ECE2: variants seen among roughly 807,000 people sequenced by gnomAD.
ECE2 encodes the protein endothelin converting enzyme 2, also known as endothelin-converting enzyme 2.
Under a neutral mutation model 100.6 loss-of-function variants are expected in ECE2, and 81 were observed. That is an observed-to-expected ratio of 0.81 (90% CI 0.67 to 0.97). The LOEUF (loss-of-function observed/expected upper bound fraction) is 0.97, where lower values mean the gene tolerates loss of function less well. Among genes scored for constraint, ECE2 ranks in the 50% least tolerant of loss-of-function variants. The probability of loss-of-function intolerance (pLI) is 0.00; values close to 1 mark genes in which losing one functional copy is unlikely to be tolerated. For synonymous variants in ECE2, 391 were observed against 391.5 expected, an observed-to-expected ratio of 1.00 and a Z score of 0.02; for missense variants, 911 against 988.1, an observed-to-expected ratio of 0.92 and a Z score of 1.05.
At chr3:184,279,284 TG>T (rs768291279) in intron 7 of ECE2, among the ~76,000 whole-genome samples, 132 of 118,762 alleles carry the variant, frequency 1.1e-3, no homozygotes, top group Non-Finnish European at 1.7e-3. Flanking sequence ...CACTCCAGCC[TG>T]GGTGACGGAG....
intron 7 of ECE2, among the ~76,000 whole-genome samples, chr3:184,282,933 C>T (rs543754817): frequency 1.1e-4 from 17 of 152,256 alleles, no homozygotes; most frequent in African/African-American, 3.6e-4. Flanking sequence ...TGGAGACCAG[C>T]GGGTAGTGGA....
In ECE2 at chr3:184,292,695, AC is replaced by A; in HGVS notation, c.*462del. 1 of 164,672 alleles carries A rather than the reference AC, an allele frequency of 6.1e-6. No individual in the cohort carries two copies. The highest frequency in any genetic ancestry group is 1.3e-5 in the Non-Finnish European group (1 of 75,656). The allele number at this position is 164,672 out of a possible 1,614,324, so 10.2% of individuals were successfully genotyped here. On this transcript the variant is annotated 3_prime_UTR_variant, in exon 19 of 19. Coordinates refer to ENST00000404464, the MANE Select transcript of ECE2 (RefSeq NM_001100121.2). ...TCTGTCTGGCTCACCCTCACGGGCT[AC>A]CCCCACCTCACCCTGTGCTCCTTGT...
intron 7 of ECE2, among the ~76,000 whole-genome samples, chr3:184,281,919 C>T (rs954112254): frequency 1.3e-5 from 2 of 152,046 alleles, no homozygotes; most frequent in Non-Finnish European, 2.9e-5. Flanking sequence ...GCCAACATGG[C>T]GAAACACTGT....
Position 184,283,769 on chromosome 3 carries a change from AC to A in ECE2, c.817-13del, listed in dbSNP as rs752362414. The A allele has an allele frequency of 3.7e-6, 6 of 1,611,648 alleles. No homozygotes were observed. Among genetic ancestry groups the A allele is most frequent in the Non-Finnish European group, 5.1e-6 (6 of 1,178,824 alleles). On this transcript the variant is annotated splice_polypyrimidine_tract_variant and intron_variant, in intron 7 of 18. Transcript: ENST00000404464. ...GACTTGTTGCTGGGCTCTGAGGATC[AC>A]CCGGGCCTTGACAGGTGCTCACTGC...
chr3:184,279,406 C>T (rs973982025), intron 7 of ECE2, among the ~76,000 whole-genome samples: 2 of 150,328 alleles, frequency 1.3e-5, no homozygotes, highest in Non-Finnish European at 3.0e-5. Flanking sequence ...CTGTAATCCC[C>T]GCACTTTGGG....
At chr3:184,287,782 C>T in intron 10 of ECE2, 55 bp from the exon 11 acceptor site, 2 of 1,530,462 alleles carry the variant, frequency 1.3e-6, no homozygotes, top group Non-Finnish European at 1.8e-6. Context: ...GAGAAAGGCC[C>T]TCTGACTGGA....
At chr3:184,279,512 C>T (rs1216539850) in intron 7 of ECE2, among the ~76,000 whole-genome samples, 1 of 151,496 alleles carries the variant, frequency 6.6e-6, no homozygotes, top group African/African-American at 2.4e-5. Context: ...AAAAATTAGC[C>T]AGGCATGGTG....
chr3:184,292,577 G>A lies in ECE2; in HGVS notation c.*339G>A, dbSNP rs572990314. 1.0e-4 allele frequency: 36 copies of A among 350,508 alleles called. No homozygotes were observed. The highest frequency in any genetic ancestry group is 8.1e-4 in the South Asian group (22 of 27,034). The allele number at this position is 350,508 out of a possible 1,614,324, so 21.7% of individuals were successfully genotyped here. ...CAGCCTGGCGGCCATGGGGCCTGCCGTGCCTGCCCCACTGTGACCCACAGG... is the reference window on the plus strand; with the variant it reads ...CAGCCTGGCGGCCATGGGGCCTGCCATGCCTGCCCCACTGTGACCCACAGG... On this transcript the variant is annotated 3_prime_UTR_variant, in exon 19 of 19. Transcript: ENST00000404464.
At chr3:184,285,200 G>A (rs1191472878) in intron 9 of ECE2, 95 bp downstream of exon 9, 7 of 1,484,846 alleles carry the variant, frequency 4.7e-6, no homozygotes, top group Non-Finnish European at 6.4e-6. Context: ...ACAACATTTG[G>A]TAATGCTATG....
chr3:184,278,430 G>A (rs573399159), intron 6 of ECE2, 62 bp from the exon 7 acceptor site: 7 of 1,597,354 alleles, frequency 4.4e-6, no homozygotes, highest in South Asian at 3.4e-5. Context: ...ACCCCCGCTC[G>A]GGAATTCAGG....
intron 6 of ECE2, 39 bp downstream of exon 6, chr3:184,278,352 A>G: frequency 6.2e-7 from 1 of 1,605,754 alleles, no homozygotes; most frequent in Non-Finnish European, 8.5e-7. Context: ...ACTTAGGGAC[A>G]CTTTGCTGAG....
rs1052451733 is a variant in ECE2, at chr3:184,291,995, G to A, written c.2122-67G>A. 2 of 1,534,964 alleles carry A rather than the reference G, an allele frequency of 1.3e-6. No homozygotes were observed. The highest frequency in any genetic ancestry group is 1.2e-5 in the South Asian group (1 of 80,974). On this transcript the variant is annotated intron_variant, in intron 18 of 18. Coordinates refer to ENST00000404464, the MANE Select transcript of ECE2 (RefSeq NM_001100121.2). This position sits in a 1 kb window ranked among gnomAD's most constrained non-coding sequence, Gnocchi z 4.1. ...GGTGGTTTGTGCCCCTGGGATGGCT[G>A]TAGCTGACTCTAAGGCCCGGCTCCA...
chr3:184,281,055 A>C (rs981020308), intron 7 of ECE2, among the ~76,000 whole-genome samples: 4 of 152,102 alleles, frequency 2.6e-5, no homozygotes, highest in African/African-American at 7.2e-5. Context: ...AGGAGGACAG[A>C]GAAAGGACAG....
chr3:184,291,604 G>C lies in ECE2; in HGVS notation c.2121+165G>C. On this transcript the variant is annotated intron_variant, in intron 18 of 18. Transcript: ENST00000404464. The surrounding 1 kb of genome is among the most constrained non-coding windows in gnomAD (Gnocchi z 4.1). ...GGCCCATGCCCAGAGCCTCCGGCCA[G>C]CCAGGGCCCACAAAGGCAGCCTGAA... 1 of 670,970 alleles carries C rather than the reference G, an allele frequency of 1.5e-6. No homozygotes were observed. Among genetic ancestry groups the C allele is most frequent in the Non-Finnish European group, 2.4e-6 (1 of 417,054 alleles). The allele number at this position is 670,970 out of a possible 1,614,324, so 41.6% of individuals were successfully genotyped here. A position where few individuals can be genotyped will look rare whatever the true frequency, so the allele number is the denominator to read the frequency against.
chr3:184,280,507 A>G (rs1720773346), intron 7 of ECE2, among the ~76,000 whole-genome samples: 1 of 152,142 alleles, frequency 6.6e-6, no homozygotes, highest in Non-Finnish European at 1.5e-5. Flanking sequence ...TGGAGTCCTG[A>G]AGAGAGAATA....
rs201115486 is a variant in ECE2 at position 184,291,256 on chromosome 3, C to T, written c.2025+26C>T. 233 of 1,601,300 alleles carry T rather than the reference C, an allele frequency of 1.5e-4. 1 individual carries two copies. In the Admixed American group the frequency reaches 2.2e-3, roughly 15 times the overall value. ...GTGAGTGGCCTGACCAGCCCTCCAG[C>T]GGCTGAGGCCTGCTGGCCTGGGGTG... is the stretch of plus-strand genomic sequence containing the variant. On this transcript the variant is annotated intron_variant, in intron 17 of 18. Transcript: ENST00000404464. This position sits in a 1 kb window ranked among gnomAD's most constrained non-coding sequence, Gnocchi z 4.1.
intron 4 of ECE2, among the ~76,000 whole-genome samples, 197 bp downstream of exon 4, chr3:184,277,663 C>A (rs1286702927): frequency 1.3e-5 from 2 of 152,178 alleles, no homozygotes; most frequent in African/African-American, 4.8e-5. Flanking sequence ...ACTCTGGGTA[C>A]AATGGAGGGC....
intron 10 of ECE2, among the ~76,000 whole-genome samples, chr3:184,287,275 CAAA>C (rs1371919169): frequency 5.0e-5 from 5 of 99,650 alleles, no homozygotes; most frequent in Admixed American, 2.1e-4. Flanking sequence ...GACTCCATCT[CAAA>C]AAAAAAAAAA....
At chr3:184,290,423 A>G in intron 14 of ECE2, 65 bp downstream of exon 14, 1 of 1,576,022 alleles carries the variant, frequency 6.3e-7, no homozygotes, top group East Asian at 2.2e-5. Context: ...GGTTCCTGGG[A>G]TGGGGGAAAA....
Sources: allele counts gnomAD v4.1 joint callset (sites outside exome capture counted in the v4.1 genomes callset), GRCh38; gene constraint gnomAD v4.1.1; non-coding constraint Gnocchi (gnomAD v3.1); transcripts MANE v1.5; gene names NCBI Gene and HGNC (gene_info 2026-07-23, HGNC 2026-07-21).